MIDEAS: variants seen among roughly 807,000 people sequenced by gnomAD.
The protein encoded by MIDEAS is mitotic deacetylase associated SANT domain protein.
In MIDEAS, 26 loss-of-function variants were observed where a neutral mutation model predicts 102.7. That is an observed-to-expected ratio of 0.25 (90% CI 0.19 to 0.35). The LOEUF is 0.35. Among genes scored for constraint, MIDEAS ranks in the 10% least tolerant of loss-of-function variants. The pLI, the probability that MIDEAS is intolerant of heterozygous loss-of-function variation, is 1.00. For missense variants in MIDEAS, 1,231 were observed against 1,435.6 expected, an observed-to-expected ratio of 0.86 and a Z score of 2.30; for synonymous variants, 585 against 591.0, an observed-to-expected ratio of 0.99 and a Z score of 0.15.
rs1206398670 is a variant in MIDEAS, at chr14:73,739,664, A to T, written c.345T>A (p.Gly115=). 2 of 1,613,232 alleles carry T rather than the reference A, an allele frequency of 1.2e-6. No individual in the cohort carries two copies. Among genetic ancestry groups the T allele is most frequent in the Non-Finnish European group, 1.7e-6 (2 of 1,179,818 alleles). The stretch of plus-strand genomic sequence containing the variant: ...GCTGCTGCCAGCTGCTGTCACTGAC[A>T]CCCCCACCTCCTCCACGCTCCGGGC... ...GRGPERGGGG[G]VSDSSWQQQP... Residue 115 remains glycine, a synonymous_variant, in exon 2 of 13, where the codon GGT becomes GGA. Coordinates refer to ENST00000423556, the MANE Select transcript of MIDEAS (RefSeq NM_001367710.1).
At chr14:73,721,919 CCT>C (rs1160459609) in intron 10 of MIDEAS, among the ~76,000 whole-genome samples, 2 of 152,196 alleles carry the variant, frequency 1.3e-5, no homozygotes, top group South Asian at 2.1e-4. Flanking sequence ...CAAACCACTC[CCT>C]GTCTTACCGT....
intron 1 of MIDEAS, among the ~76,000 whole-genome samples, chr14:73,774,063 A>G (rs2053667742): frequency 2.0e-5 from 3 of 151,558 alleles, no homozygotes. Flanking sequence ...AAGTCCAACT[A>G]ATCAGCCATG....
chr14:73,789,678 C>A (rs2053850565), upstream of MIDEAS: 1 of 152,250 alleles, frequency 6.6e-6, no homozygotes, highest in African/African-American at 2.4e-5. Flanking sequence ...GGGCCAGAGC[C>A]AGATCTAAGC....
Position 73,726,727 on chromosome 14 carries a change from AGGAGGGAGG to A in MIDEAS, c.2306-29_2306-21del. Reference sequence around the variant, plus strand: ...CTTCCACTGGATCCACAGGAGCATGAGGAGGGAGGGGAGGAAACCACGTTCAGGGCGGGG... The same window carrying A: ...CTTCCACTGGATCCACAGGAGCATGAGGAGGAAACCACGTTCAGGGCGGGG... On this transcript the variant is annotated intron_variant, in intron 6 of 12. Transcript: ENST00000423556. 6.2e-7 allele frequency: 1 copy of A among 1,613,790 alleles called. No individual in the cohort carries two copies. Among genetic ancestry groups the A allele is most frequent in the Non-Finnish European group, 8.5e-7 (1 of 1,179,736 alleles).
rs528874464 is a variant in MIDEAS at position 73,717,919 on chromosome 14, G to A, written c.*924C>T. 3 of 29,346 alleles carry A rather than the reference G, an allele frequency of 1.0e-4. No homozygotes were observed. The East Asian group carries it at 3.4e-3, about 34-fold the overall frequency. The allele number at this position is 29,346 out of a possible 1,614,324, so 1.8% of individuals were successfully genotyped here. On this transcript the variant is annotated 3_prime_UTR_variant, in exon 13 of 13. Coordinates refer to ENST00000423556, the MANE Select transcript of MIDEAS (RefSeq NM_001367710.1). ...AGGTGTAGCTGCTGAGGTCAGAGCA[G>A]AGGCAAGGAGGCTGGCCCCAGGAGG... is the stretch of plus-strand genomic sequence containing the variant.
At chr14:73,734,263 G>A (rs1258131952) in intron 3 of MIDEAS, among the ~76,000 whole-genome samples, 4 of 152,152 alleles carry the variant, frequency 2.6e-5, no homozygotes, top group Non-Finnish European at 4.4e-5. Context: ...GATTACAGAC[G>A]TGAGCCACTG....
chr14:73,747,695 G>A (rs149804978), intron 1 of MIDEAS, among the ~76,000 whole-genome samples: 8 of 151,640 alleles, frequency 5.3e-5, no homozygotes, highest in Admixed American at 5.3e-4. Context: ...GGTGGGGTGG[G>A]GGTCGGGGGT....
At chr14:73,782,086 G>T (rs192916076) in intron 1 of MIDEAS, among the ~76,000 whole-genome samples, 1 of 152,008 alleles carries the variant, frequency 6.6e-6, no homozygotes, top group African/African-American at 2.4e-5. Flanking sequence ...AAAACAAAAC[G>T]TTAAAAGAAT....
At chr14:73,786,531 G>A (rs1210063810) in intron 1 of MIDEAS, among the ~76,000 whole-genome samples, 1 of 152,226 alleles carries the variant, frequency 6.6e-6, no homozygotes, top group Non-Finnish European at 1.5e-5. Context: ...GGAGTCAGGA[G>A]CGATTCATTT....
In MIDEAS at chr14:73,718,714, T is replaced by G; in HGVS notation, c.*129A>C. 1.0e-6 allele frequency: 1 copy of G among 971,644 alleles called. No homozygotes were observed. The highest frequency in any genetic ancestry group is 1.4e-6 in the Non-Finnish European group (1 of 727,474). The allele number at this position is 971,644 out of a possible 1,614,324, so 60.2% of individuals were successfully genotyped here. A position where few individuals can be genotyped will look rare whatever the true frequency, so the allele number is the denominator to read the frequency against. On this transcript the variant is annotated 3_prime_UTR_variant, in exon 13 of 13. Transcript: ENST00000423556. The stretch of plus-strand genomic sequence containing the variant: ...AAGAGCCGTTTATGTCATTGTCTCA[T>G]TTGTTTCGCAGGGAAAAGTCCCTGC...
chr14:73,758,407 C>G (rs971966470), intron 1 of MIDEAS, among the ~76,000 whole-genome samples: 5 of 152,218 alleles, frequency 3.3e-5, no homozygotes. Flanking sequence ...ACTGGCTTCT[C>G]GGTCCACCTT....
chr14:73,782,721 T>A (rs2053768086), intron 1 of MIDEAS, among the ~76,000 whole-genome samples: 1 of 152,138 alleles, frequency 6.6e-6, no homozygotes, highest in Non-Finnish European at 1.5e-5. Context: ...ACAAACTATC[T>A]CACCTCAGAG....
chr14:73,771,154 T>C (rs2053638733), intron 1 of MIDEAS, among the ~76,000 whole-genome samples: 1 of 152,100 alleles, frequency 6.6e-6, no homozygotes, highest in African/African-American at 2.4e-5. Flanking sequence ...GCCCATACTC[T>C]CCATTTTCTC....
Position 73,718,926 on chromosome 14 carries a change from T to G in MIDEAS, c.3217A>C (p.Lys1073Gln). The change falls in exon 13 of 13, where the codon AAG (lysine) becomes CAG (glutamine). Residue 1073 changes from lysine (K) to glutamine (Q), a missense_variant. Coordinates refer to ENST00000423556, the MANE Select transcript of MIDEAS (RefSeq NM_001367710.1). ...GCGGCAGCAGCGGCCTCTTTCTCCT[T>G]CAGCCTCAGCGCTGCAGCCTTCTTC... The part of the protein sequence containing the change: ...QEKKAAALRL[K>Q]EKEAAAAAAA... 2 of 1,526,334 alleles carry G rather than the reference T, an allele frequency of 1.3e-6. No individual in the cohort carries two copies. Among genetic ancestry groups the G allele is most frequent in the South Asian group, 2.4e-5 (2 of 83,108 alleles). The allele number at this position is 1,526,334 out of a possible 1,614,324, so 94.5% of individuals were successfully genotyped here.
intron 1 of MIDEAS, among the ~76,000 whole-genome samples, chr14:73,741,189 A>G (rs2053277006): frequency 6.6e-6 from 1 of 150,632 alleles, no homozygotes; most frequent in South Asian, 2.1e-4. Flanking sequence ...CAGTTCCAGA[A>G]GGTTTCTCCA....
chr14:73,754,946 G>A (rs1275996443), intron 1 of MIDEAS: 1 of 152,190 alleles, frequency 6.6e-6, no homozygotes, highest in Non-Finnish European at 1.5e-5. Context: ...GAGAAGCTGA[G>A]CGGCTTTAGA....
rs1207432461 is a variant in MIDEAS, at chr14:73,718,721, C to A, written c.*122G>T. ...GTTTATGTCATTGTCTCATTTGTTTCGCAGGGAAAAGTCCCTGCAATCCTC... is the reference window on the plus strand; with the variant it reads ...GTTTATGTCATTGTCTCATTTGTTTAGCAGGGAAAAGTCCCTGCAATCCTC... On this transcript the variant is annotated 3_prime_UTR_variant, in exon 13 of 13. Coordinates refer to ENST00000423556, the MANE Select transcript of MIDEAS (RefSeq NM_001367710.1). The A allele has an allele frequency of 3.9e-6, 4 of 1,031,258 alleles. No homozygotes were observed. The highest frequency in any genetic ancestry group is 2.6e-6 in the Non-Finnish European group (2 of 782,282). 63.9% of individuals were successfully genotyped at this position (1,031,258 alleles called of 1,614,324 possible).
At chr14:73,750,537 G>C (rs2053407234) in intron 1 of MIDEAS, among the ~76,000 whole-genome samples, 1 of 152,200 alleles carries the variant, frequency 6.6e-6, no homozygotes, top group Non-Finnish European at 1.5e-5. Flanking sequence ...TTGAGGTATG[G>C]GGGACTGCAG....
rs930333283 is a variant in MIDEAS at position 73,759,007 on chromosome 14, A to C, written c.-248+756T>G. Among the ~76,000 whole-genome samples, 6 of 152,132 alleles carry C rather than the reference A, an allele frequency of 3.9e-5. No homozygotes were observed. The highest frequency in any genetic ancestry group is 7.2e-5 in the African/African-American group (3 of 41,438). On this transcript the variant is annotated intron_variant, in intron 1 of 12. Transcript: ENST00000423556. The surrounding 1 kb of genome is among the most constrained non-coding windows in gnomAD (Gnocchi z 6.7). Reference sequence around the variant, plus strand: ...AATCCCGGGTTTCGGCGCTGCCGCCAGGCACCAGGGAACACAGCTCCCCGC... The same window carrying C: ...AATCCCGGGTTTCGGCGCTGCCGCCCGGCACCAGGGAACACAGCTCCCCGC...
Sources: gnomAD v4.1 joint callset for allele counts (sites outside exome capture counted in the v4.1 genomes callset) on GRCh38, gnomAD v4.1.1 for gene constraint, Gnocchi (gnomAD v3.1) non-coding constraint, MANE v1.5 for transcripts, NCBI Gene and HGNC (gene_info 2026-07-23, HGNC 2026-07-21) for gene names.